SMARCAD1: variants seen among roughly 807,000 people sequenced by gnomAD.
The protein encoded by SMARCAD1 is SWI/SNF-related matrix-associated actin-dependent regulator of chromatin subfamily A containing DEAD/H box 1.
In SMARCAD1, 25 loss-of-function variants were observed where a neutral mutation model predicts 127.1. The observed-to-expected ratio is 0.20, with a 90% CI of 0.14 to 0.27. The LOEUF is 0.27. SMARCAD1 is among the 10% of genes least tolerant of loss of function. The pLI is 1.00. For synonymous variants in SMARCAD1, 400 were observed against 396.9 expected (o/e 1.01, Z -0.09); for missense variants, 807 against 1,206.0 (o/e 0.67, Z 4.90).
chr4:94,217,803 A>G (rs540980216), intron 2 of SMARCAD1, among the ~76,000 whole-genome samples: 2 of 152,186 alleles, frequency 1.3e-5, no homozygotes, highest in African/African-American at 2.4e-5. Context: ...CATAAAATCA[A>G]TTTCTTGGGT....
chr4:94,248,980 C>T (rs142258171), intron 6 of SMARCAD1, among the ~76,000 whole-genome samples: 279 of 152,166 alleles, frequency 1.8e-3, no homozygotes, highest in Middle Eastern at 3.4e-3. Flanking sequence ...AAAATTTTTC[C>T]TATGCATGAA....
chr4:94,254,849 T>G (rs2125922800), intron 9 of SMARCAD1, among the ~76,000 whole-genome samples: 1 of 152,222 alleles, frequency 6.6e-6, no homozygotes, highest in Middle Eastern at 3.4e-3. Flanking sequence ...TGCTTAGAAC[T>G]TTGAGCTCCT....
At chr4:94,226,939 A>G (rs933849316) in intron 3 of SMARCAD1, among the ~76,000 whole-genome samples, 1 of 151,952 alleles carries the variant, frequency 6.6e-6, no homozygotes, top group African/African-American at 2.4e-5. Flanking sequence ...CCTGGCCTCA[A>G]GCAGTCCTGC....
chr4:94,208,467 C>T lies in SMARCAD1; in HGVS notation c.73C>T (p.Pro25Ser). Residue 25 changes from proline to serine, a missense_variant, in exon 2 of 24, where the codon CCT becomes TCT. By Grantham distance (74) the Pro-to-Ser change is moderately conservative (BLOSUM62 -1). Coordinates refer to ENST00000354268, the MANE Select transcript of SMARCAD1 (RefSeq NM_020159.5). ...GATTGAGGAAGCGCCCGAAGCAACC[C>T]CTCAACCTTCCCAGCCTGGCCCTTC... ...NKIEEAPEAT[P>S]QPSQPGPSSP... The T allele has an allele frequency of 6.2e-7, 1 of 1,614,070 alleles. No homozygotes were observed. The highest frequency in any genetic ancestry group is 1.1e-5 in the South Asian group (1 of 91,078).
intron 12 of SMARCAD1, among the ~76,000 whole-genome samples, chr4:94,274,184 G>A (rs1484195108): frequency 6.6e-6 from 1 of 152,062 alleles, no homozygotes; most frequent in Non-Finnish European, 1.5e-5. Context: ...ATAATCAACT[G>A]TAAATATAAT....
intron 2 of SMARCAD1, among the ~76,000 whole-genome samples, chr4:94,216,654 C>T (rs181788555): frequency 7.2e-5 from 11 of 152,240 alleles, no homozygotes; most frequent in South Asian, 2.1e-4. Flanking sequence ...CTACCGTTTA[C>T]GTTGTCTTTT....
intron 8 of SMARCAD1, among the ~76,000 whole-genome samples, chr4:94,252,202 T>C (rs1249548786): frequency 6.6e-6 from 1 of 152,184 alleles, no homozygotes; most frequent in African/African-American, 2.4e-5. Context: ...GAAGATAGTA[T>C]TGGAAAATTA....
At chr4:94,280,930 T>C (rs183155110) in intron 20 of SMARCAD1, 150 bp downstream of exon 20, 1 of 742,768 alleles carries the variant, frequency 1.3e-6, no homozygotes, top group African/African-American at 1.8e-5. Flanking sequence ...TGACGTATTT[T>C]CTTGATTACC....
At chr4:94,257,490 C>G (rs1214172248) in intron 9 of SMARCAD1, among the ~76,000 whole-genome samples, 1 of 152,074 alleles carries the variant, frequency 6.6e-6, no homozygotes, top group Non-Finnish European at 1.5e-5. Flanking sequence ...AAGTAACTTA[C>G]AGGATTAAGT....
intron 2 of SMARCAD1, among the ~76,000 whole-genome samples, chr4:94,223,459 C>T (rs1042664784): frequency 1.3e-5 from 2 of 152,028 alleles, no homozygotes; most frequent in African/African-American, 4.8e-5. Context: ...CGCCACTGTA[C>T]TCTAGCCTGG....
chr4:94,233,236 C>T (rs528443518), intron 3 of SMARCAD1, among the ~76,000 whole-genome samples: 7 of 152,182 alleles, frequency 4.6e-5, no homozygotes, highest in African/African-American at 7.2e-5. Context: ...CTATAACTTA[C>T]ATTCATTTGT....
chr4:94,252,939 C>A lies in SMARCAD1; in HGVS notation c.1213C>A (p.Pro405Thr). The A allele has an allele frequency of 6.2e-7, 1 of 1,613,962 alleles. No individual in the cohort carries two copies. Among genetic ancestry groups the A allele is most frequent in the Non-Finnish European group, 8.5e-7 (1 of 1,179,988 alleles). ...DASIGELTLI[P>T]QCSQKKAQKI... ...TTCAATTGGTGAACTTACTTTGATT[C>A]CTCAGTGTTCTCAGAAAAAGGCTCA... is the stretch of plus-strand genomic sequence containing the variant. The change falls in exon 9 of 24, where the codon CCT (proline) becomes ACT (threonine). Residue 405 changes from proline to threonine, a missense_variant. Pro to Thr is a conservative substitution (Grantham distance 38). This residue lies in a region of SMARCAD1 where 257 missense variants were observed against 303.4 expected (regional missense o/e 0.85). Coordinates refer to ENST00000354268, the MANE Select transcript of SMARCAD1 (RefSeq NM_020159.5).
chr4:94,250,049 C>T (rs770286891), intron 7 of SMARCAD1, among the ~76,000 whole-genome samples: 1 of 151,744 alleles, frequency 6.6e-6, no homozygotes, highest in South Asian at 2.1e-4. Flanking sequence ...TGTAACCCTG[C>T]CCCCATCAAG....
chr4:94,219,661 A>T (rs1241025680), intron 2 of SMARCAD1, among the ~76,000 whole-genome samples: 2 of 152,222 alleles, frequency 1.3e-5, no homozygotes, highest in East Asian at 3.8e-4. Flanking sequence ...GTAAGTTCCC[A>T]TTACCTTTGG....
intron 4 of SMARCAD1, among the ~76,000 whole-genome samples, chr4:94,236,119 G>GA (rs1746612446): frequency 6.6e-6 from 1 of 152,120 alleles, no homozygotes; most frequent in African/African-American, 2.4e-5. Context: ...TGGCTATTTT[G>GA]AAAATGAAGA....
intron 2 of SMARCAD1, among the ~76,000 whole-genome samples, chr4:94,220,091 A>C (rs1219089737): frequency 6.6e-6 from 1 of 152,196 alleles, no homozygotes; most frequent in African/African-American, 2.4e-5. Flanking sequence ...TTGCAGCAGG[A>C]ATATCTTTTT....
At chr4:94,252,341 A>G (rs547859910) in intron 8 of SMARCAD1, among the ~76,000 whole-genome samples, 108 of 152,328 alleles carry the variant, frequency 7.1e-4, no homozygotes, top group Non-Finnish European at 1.2e-3. Flanking sequence ...TCATACAGAT[A>G]CGCAGCTGCC....
At position 94,276,421 on chromosome 4, in the gene SMARCAD1, CATATGCTGAAGA is replaced by C; in HGVS notation, c.1897_1908del (p.Leu633_Met636del). 6.2e-7 allele frequency: 1 copy of C among 1,614,068 alleles called. No individual in the cohort carries two copies. The highest frequency in any genetic ancestry group is 8.5e-7 in the Non-Finnish European group (1 of 1,180,002). On this transcript the variant is annotated inframe_deletion, in exon 15 of 24. Coordinates refer to ENST00000354268, the MANE Select transcript of SMARCAD1 (RefSeq NM_020159.5). ...TAATTACGCAATTTTTGATGAGGGC[CATATGCTGAAGA>C]ATATGGGCTCCATTCGCTACCAGCA...
At chr4:94,270,952 C>T (rs1430071506) in intron 11 of SMARCAD1, 134 bp downstream of exon 11, 4 of 716,664 alleles carry the variant, frequency 5.6e-6, no homozygotes, top group Non-Finnish European at 9.9e-6. Context: ...TATTTTATCT[C>T]ATCTTTGTTT....
Sources: allele counts gnomAD v4.1 joint callset (sites outside exome capture counted in the v4.1 genomes callset), GRCh38; gene constraint gnomAD v4.1.1; regional missense constraint gnomAD v4.1.1; transcripts MANE v1.5; gene names NCBI Gene and HGNC (gene_info 2026-07-23, HGNC 2026-07-21).